Variants in AVEN observed in about 807,000 individuals in gnomAD.
The protein encoded by AVEN is apoptosis and caspase activation inhibitor, also known as cell death regulator Aven.
AVEN carries 41 observed loss-of-function variants against 38.1 expected under a neutral mutation model. The ratio of observed to expected loss-of-function variants is 1.08; its 90% CI spans 0.84 to 1.40. AVEN has a LOEUF of 1.40. AVEN is among the 40% of genes most tolerant of loss of function. AVEN has a pLI of 0.00. For missense variants in AVEN, 605 were observed against 438.8 expected, an observed-to-expected ratio of 1.38 and a Z score of -3.38; for synonymous variants, 206 against 171.8, an observed-to-expected ratio of 1.20 and a Z score of -1.56.
At chr15:33,961,542 G>C (rs570040568) in intron 2 of AVEN, among the ~76,000 whole-genome samples, 5 of 151,752 alleles carry the variant, frequency 3.3e-5, no homozygotes, top group East Asian at 3.9e-4. Context: ...CACTGGGTGA[G>C]GTGGCTCATG....
chr15:33,878,547 C>T (rs1325973765), intron 2 of AVEN, among the ~76,000 whole-genome samples: 2 of 152,006 alleles, frequency 1.3e-5, no homozygotes, highest in Non-Finnish European at 2.9e-5. Flanking sequence ...AATCATAACA[C>T]TATTACAAGA....
chr15:33,893,898 C>T (rs1892095531), intron 2 of AVEN, among the ~76,000 whole-genome samples: 1 of 151,244 alleles, frequency 6.6e-6, no homozygotes, highest in South Asian at 2.1e-4. Flanking sequence ...AGTTCCAACT[C>T]AAGGCTTTTC....
rs750396163 is a variant in AVEN, at chr15:34,003,194, C to T, written c.283G>A (p.Asp95Asn). The T allele has an allele frequency of 4.3e-6, 7 of 1,613,396 alleles. No individual in the cohort carries two copies. The highest frequency in any genetic ancestry group is 1.1e-5 in the South Asian group (1 of 91,008). ...GASAPVEDDS[D>N]AETYGEENDE... ...TTCTCTTCTCCATAGGTCTCTGCAT[C>T]GCTGTCATCTTCAACCTGCAATCAT... Residue 95 changes from aspartate (D) to asparagine (N), a missense_variant, in exon 2 of 6, where the codon GAT becomes AAT. Physicochemically the swap from Asp to Asn is conservative, Grantham distance 23. Transcript: ENST00000306730.
chr15:33,909,530 T>A lies in AVEN; in HGVS notation c.446-33535A>T, dbSNP rs960085216. On this transcript the variant is annotated intron_variant, in intron 2 of 5. Transcript: ENST00000306730. Reference sequence around the variant, plus strand: ...CTTGTAGTAAGGAAGAAAACTGTCATAACACAAAGGTGATGGCTTCTTAAT... The same window carrying A: ...CTTGTAGTAAGGAAGAAAACTGTCAAAACACAAAGGTGATGGCTTCTTAAT... 7.2e-5 allele frequency among the ~76,000 whole-genome samples: 11 copies of A among 152,310 alleles called. No individual in the cohort carries two copies. The South Asian group carries it at 2.3e-3, about 32-fold the overall frequency.
At chr15:33,885,372 G>T (rs1465099516) in intron 2 of AVEN, among the ~76,000 whole-genome samples, 3 of 152,084 alleles carry the variant, frequency 2.0e-5, no homozygotes, top group East Asian at 3.8e-4. Flanking sequence ...CAGCCTACAG[G>T]ACATAAAAAT....
chr15:33,853,119 A>G, the AVEN span: 1 of 1,540,390 alleles, frequency 6.5e-7, no homozygotes, highest in Non-Finnish European at 8.8e-7. Flanking sequence ...GAGTTCCGTG[A>G]TCACCAAAAA....
At chr15:33,861,301 A>G, downstream of AVEN, 1 of 628,786 alleles carries the variant, frequency 1.6e-6, no homozygotes, top group Non-Finnish European at 2.8e-6. Context: ...AGTCCCCATG[A>G]GCCTGTACCT....
chr15:34,012,366 T>TA (rs1897674334), intron 1 of AVEN, among the ~76,000 whole-genome samples: 1 of 152,210 alleles, frequency 6.6e-6, no homozygotes, highest in African/African-American at 2.4e-5. Context: ...GTCATCTGTA[T>TA]AAAAAATATC....
At chr15:34,055,474 C>T (rs907008673) in intron 5 of AVEN, among the ~76,000 whole-genome samples, 2 of 151,802 alleles carry the variant, frequency 1.3e-5, no homozygotes, top group African/African-American at 4.8e-5. Flanking sequence ...CACTGCATTC[C>T]AGCCTGGGCA....
chr15:34,075,271 T>G (rs1305733066), upstream of AVEN, among the ~76,000 whole-genome samples: 1 of 151,768 alleles, frequency 6.6e-6, no homozygotes, highest in East Asian at 1.9e-4. Context: ...CCGCATGGCT[T>G]GGGAGGCCTC....
downstream of AVEN, among the ~76,000 whole-genome samples, chr15:33,861,815 TTTTTTG>T (rs1387464293): frequency 3.9e-5 from 6 of 151,978 alleles, no homozygotes; most frequent in African/African-American, 7.2e-5. Flanking sequence ...CATACTGCCT[TTTTTTG>T]TTTTTGTTGG....
downstream of AVEN, among the ~76,000 whole-genome samples, chr15:33,857,597 G>T (rs1489435125): frequency 6.6e-6 from 1 of 152,044 alleles, no homozygotes; most frequent in African/African-American, 2.4e-5. Flanking sequence ...CTCTTTACCT[G>T]TGGTGCCATC....
At chr15:34,051,868 GA>G (rs1337859080) in intron 5 of AVEN, among the ~76,000 whole-genome samples, 9 of 145,718 alleles carry the variant, frequency 6.2e-5, no homozygotes, top group South Asian at 2.2e-4. Context: ...ACCAAAAAAA[GA>G]AAAAAAAAAC....
intron 2 of AVEN, among the ~76,000 whole-genome samples, chr15:33,941,426 G>A (rs545661471): frequency 5.3e-5 from 8 of 152,044 alleles, no homozygotes; most frequent in African/African-American, 1.9e-4. Flanking sequence ...CCTGACACAC[G>A]CAACTGAAAC....
At chr15:33,869,424 G>A (rs1044228268) in intron 4 of AVEN, among the ~76,000 whole-genome samples, 8 of 152,108 alleles carry the variant, frequency 5.3e-5, no homozygotes, top group African/African-American at 1.7e-4. Flanking sequence ...CCTGAGTCCT[G>A]AATCCTTTAT....
intron 2 of AVEN, among the ~76,000 whole-genome samples, chr15:33,913,507 T>C (rs986094384): frequency 1.3e-5 from 2 of 152,158 alleles, no homozygotes; most frequent in African/African-American, 4.8e-5. Context: ...TCATCTAATA[T>C]TAAAATTACC....
downstream of AVEN, chr15:33,857,763 T>G (rs199945346): frequency 7.9e-5 from 127 of 1,613,892 alleles, no homozygotes; most frequent in East Asian, 2.3e-3. Context: ...TTCCTTTCTC[T>G]GTCCTCTCAT....
rs1187504484 is a variant in AVEN at position 33,973,867 on chromosome 15, T to G, written c.445+29165A>C. On this transcript the variant is annotated intron_variant, in intron 2 of 5. Coordinates refer to ENST00000306730, the MANE Select transcript of AVEN (RefSeq NM_020371.3). ...AAATGAATGTGAAAATGTATCTTAATGCATTCTCAGGTACAATCTCAGACA... is the reference window on the plus strand; with the variant it reads ...AAATGAATGTGAAAATGTATCTTAAGGCATTCTCAGGTACAATCTCAGACA... Among the ~76,000 whole-genome samples, 6 of 152,340 alleles carry G rather than the reference T, an allele frequency of 3.9e-5. No homozygotes were observed. The South Asian group carries it at 1.0e-3, about 26-fold the overall frequency.
intron 2 of AVEN, among the ~76,000 whole-genome samples, chr15:33,978,612 A>G (rs959904724): frequency 3.9e-5 from 6 of 152,048 alleles, no homozygotes; most frequent in Non-Finnish European, 1.5e-5. Context: ...GCAATTAGCC[A>G]AGATTACGCC....
Sources: gnomAD v4.1 joint callset for allele counts (sites outside exome capture counted in the v4.1 genomes callset) on GRCh38, gnomAD v4.1.1 for gene constraint, MANE v1.5 for transcripts, NCBI Gene and HGNC (gene_info 2026-07-23, HGNC 2026-07-21) for gene names.